Variants in RPRD1A observed in about 807,000 individuals in gnomAD.
RPRD1A encodes the protein regulation of nuclear pre-mRNA domain containing 1A.
In RPRD1A, 9 loss-of-function variants were observed where a neutral mutation model predicts 37.8. That is an observed-to-expected ratio of 0.24 (90% CI 0.14 to 0.42). RPRD1A has a LOEUF of 0.42. RPRD1A is among the 10% of genes least tolerant of loss of function. The pLI is 1.00. For synonymous variants in RPRD1A, 138 were observed against 139.7 expected (o/e 0.99, Z 0.08); for missense variants, 255 against 371.0 (o/e 0.69, Z 2.57).
intron 6 of RPRD1A, among the ~76,000 whole-genome samples, chr18:35,996,433 G>T (rs907906193): frequency 7.2e-5 from 11 of 152,054 alleles, no homozygotes; most frequent in Non-Finnish European, 1.6e-4. Context: ...TAACACGCTG[G>T]TTTCCCTTCA....
chr18:36,027,536 A>T (rs1378327757), intron 4 of RPRD1A: 2 of 436,362 alleles, frequency 4.6e-6, no homozygotes, highest in Non-Finnish European at 8.2e-6. Flanking sequence ...CCTTGAAGAG[A>T]GCTTACTCCA....
chr18:36,015,793 T>C (rs770329638), intron 6 of RPRD1A, among the ~76,000 whole-genome samples: 2 of 152,092 alleles, frequency 1.3e-5, no homozygotes, highest in Non-Finnish European at 2.9e-5. Context: ...AAAGAAAAAT[T>C]GGTGGCTGGG....
intron 6 of RPRD1A, among the ~76,000 whole-genome samples, chr18:36,002,550 T>C (rs1316890087): frequency 6.6e-6 from 1 of 152,122 alleles, no homozygotes. Flanking sequence ...CGGTAATTTT[T>C]TTTCCCCTAG....
chr18:36,028,302 TAAG>T (rs1442404841), intron 4 of RPRD1A: 1 of 152,102 alleles, frequency 6.6e-6, no homozygotes, highest in African/African-American at 2.4e-5. Context: ...ATGAAACTAA[TAAG>T]AAATATACTA....
rs555886590 is a variant in RPRD1A at position 36,041,622 on chromosome 18, G to C, written c.152-7785C>G. Among the ~76,000 whole-genome samples, 3 of 152,332 alleles carry C rather than the reference G, an allele frequency of 2.0e-5. No individual in the cohort carries two copies. The South Asian group carries it at 6.2e-4, about 32-fold the overall frequency. On this transcript the variant is annotated intron_variant, in intron 1 of 6. Transcript: ENST00000399022. ...TCTGTGCTGTGCAGACTTGTATCCTGAGAGTGTTTTTCTGAACCTGTTTCC... is the reference window on the plus strand; with the variant it reads ...TCTGTGCTGTGCAGACTTGTATCCTCAGAGTGTTTTTCTGAACCTGTTTCC...
In RPRD1A at chr18:36,035,792, C is replaced by T. The variant is rs142493138; in HGVS notation, c.152-1955G>A. 3.9e-5 allele frequency among the ~76,000 whole-genome samples: 6 copies of T among 152,216 alleles called. No homozygotes were observed. The East Asian group carries it at 1.2e-3, about 29-fold the overall frequency. On this transcript the variant is annotated intron_variant, in intron 1 of 6. Coordinates refer to ENST00000399022, the MANE Select transcript of RPRD1A (RefSeq NM_018170.5). The stretch of plus-strand genomic sequence containing the variant: ...AAGGAAATGTTGACGCATGTTACAA[C>T]ATGGATGAATCTCCAGGACATCATG...
intron 6 of RPRD1A, among the ~76,000 whole-genome samples, chr18:36,023,279 GGAA>G: frequency 6.6e-6 from 1 of 152,280 alleles, no homozygotes; most frequent in Non-Finnish European, 1.5e-5. Context: ...ACAGGAGTTT[GGAA>G]GAAGTTTACT....
chr18:35,994,905 A>G (rs1908933543), intron 6 of RPRD1A, among the ~76,000 whole-genome samples: 1 of 152,038 alleles, frequency 6.6e-6, no homozygotes, highest in African/African-American at 2.4e-5. Flanking sequence ...AATCTATCTG[A>G]TTTTCTATCT....
chr18:36,042,277 CTAACTA>C (rs1912636610), intron 1 of RPRD1A, among the ~76,000 whole-genome samples: 1 of 152,104 alleles, frequency 6.6e-6, no homozygotes, highest in Non-Finnish European at 1.5e-5. Flanking sequence ...CACATCTACC[CTAACTA>C]TAATTATTTT....
intron 6 of RPRD1A, among the ~76,000 whole-genome samples, chr18:36,000,028 A>T: frequency 6.6e-6 from 1 of 152,196 alleles, no homozygotes. Context: ...CTGAAGTATT[A>T]ATCAAGATAT....
At chr18:36,024,019 A>G (rs998120528) in intron 6 of RPRD1A, among the ~76,000 whole-genome samples, 1 of 152,232 alleles carries the variant, frequency 6.6e-6, no homozygotes, top group African/African-American at 2.4e-5. Flanking sequence ...TAATAAGCTA[A>G]CTGAAAAACA....
intron 6 of RPRD1A, chr18:36,025,640 G>A (rs775025935): frequency 7.8e-7 from 1 of 1,288,792 alleles, no homozygotes; most frequent in African/African-American, 1.5e-5. Context: ...ATATACTAAT[G>A]GTGACGACAT....
At chr18:36,017,913 G>T (rs549298323) in intron 6 of RPRD1A, among the ~76,000 whole-genome samples, 1 of 152,290 alleles carries the variant, frequency 6.6e-6, no homozygotes, top group African/African-American at 2.4e-5. Flanking sequence ...CAATGCTAAG[G>T]ATTACTACTG....
intron 1 of RPRD1A, among the ~76,000 whole-genome samples, chr18:36,058,434 G>A (rs768660934): frequency 6.6e-6 from 1 of 152,132 alleles, no homozygotes; most frequent in South Asian, 2.1e-4. Context: ...ATTACAGATT[G>A]TTTGTTTAAT....
chr18:36,040,936 G>T, intron 1 of RPRD1A: 1 of 918,986 alleles, frequency 1.1e-6, no homozygotes, highest in Non-Finnish European at 1.6e-6. Context: ...TACAGTAATT[G>T]TCTTTCAGAA....
intron 1 of RPRD1A, among the ~76,000 whole-genome samples, chr18:36,061,390 CATAAA>C (rs1257532720): frequency 6.6e-6 from 1 of 152,102 alleles, no homozygotes; most frequent in Non-Finnish European, 1.5e-5. Flanking sequence ...ACCAATATAA[CATAAA>C]AGAGGCTGGT....
At chr18:36,002,305 TTC>T (rs1351586903) in intron 6 of RPRD1A, among the ~76,000 whole-genome samples, 1 of 152,262 alleles carries the variant, frequency 6.6e-6, no homozygotes, top group Non-Finnish European at 1.5e-5. Flanking sequence ...TTCTTTTCCA[TTC>T]TGTTTTCACT....
At chr18:36,045,908 G>GT (rs1912921233) in intron 1 of RPRD1A, among the ~76,000 whole-genome samples, 1 of 152,106 alleles carries the variant, frequency 6.6e-6, no homozygotes, top group Non-Finnish European at 1.5e-5. Context: ...TAAGAGACCT[G>GT]TTTATCAAAA....
At chr18:35,993,382 C>A in intron 6 of RPRD1A, 82 bp from the exon 7 acceptor site, 1 of 1,371,614 alleles carries the variant, frequency 7.3e-7, no homozygotes, top group Non-Finnish European at 1.0e-6. Context: ...AACCCAGGTA[C>A]TATATATACT....
Sources: gnomAD v4.1 joint callset for allele counts (sites outside exome capture counted in the v4.1 genomes callset) on GRCh38, gnomAD v4.1.1 for gene constraint, MANE v1.5 for transcripts, NCBI Gene and HGNC (gene_info 2026-07-23, HGNC 2026-07-21) for gene names.